The following APOB variants were observed in gnomAD, a reference collection of about 807,000 sequenced individuals.
APOB encodes apolipoprotein B, also known as apolipoprotein B-100.
APOB carries 153 observed loss-of-function variants against 314.1 expected under a neutral mutation model. That is an observed-to-expected ratio of 0.49 (90% CI 0.43 to 0.56). The LOEUF is 0.56. Among genes scored for constraint, APOB ranks in the 20% least tolerant of loss-of-function variants. The pLI, the probability that APOB is intolerant of heterozygous loss-of-function variation, is 0.00. For missense variants in APOB, 5,430 were observed against 5,350.7 expected (o/e 1.01, Z -0.46); for synonymous variants, 2,087 against 2,036.4 (o/e 1.02, Z -0.67).
At chr2:21,035,055 T>C (rs12720842) in intron 7 of APOB, among the ~76,000 whole-genome samples, 154 bp from the exon 8 acceptor site, 2,629 of 152,300 alleles carry the variant, frequency 0.017, 25 homozygotes, top group Non-Finnish European at 0.03. Context: ...ATGAATAACA[T>C]CCACCTCTTC....
Position 21,043,715 on chromosome 2 carries a change from G to T in APOB, c.82+149C>A, listed in dbSNP as rs1410026018. 1.1e-5 allele frequency: 17 copies of T among 1,502,120 alleles called. No homozygotes were observed. In the East Asian group the frequency reaches 3.2e-4, roughly 28 times the overall value. The allele number at this position is 1,502,120 out of a possible 1,614,324, so 93.0% of individuals were successfully genotyped here. On this transcript the variant is annotated intron_variant, in intron 1 of 28. Coordinates refer to ENST00000233242, the MANE Select transcript of APOB (RefSeq NM_000384.3). ...ATCCCGCGCCCCCCATCCTGAGCCTGCAGGGGCCGCCAGCTGGTCCAATCC... is the reference window on the plus strand; with the variant it reads ...ATCCCGCGCCCCCCATCCTGAGCCTTCAGGGGCCGCCAGCTGGTCCAATCC...
intron 28 of APOB, among the ~76,000 whole-genome samples, chr2:21,003,568 G>C (rs930045840): frequency 1.4e-4 from 22 of 152,230 alleles, no homozygotes; most frequent in African/African-American, 5.3e-4. Context: ...AACGCTTGCT[G>C]TTTGTCATTT....
Position 21,011,740 on chromosome 2 carries a change from G to C in APOB, c.5128C>G (p.Leu1710Val), listed in dbSNP as rs1467165469. ...DGKAALTELS[L>V]GSAYQAMILG... Reference sequence around the variant, plus strand: ...ATCATGGCCTGATAAGCACTTCCCAGTGATAGCTCTGTGAGGGCGGCTTTC... The same window carrying C: ...ATCATGGCCTGATAAGCACTTCCCACTGATAGCTCTGTGAGGGCGGCTTTC... Residue 1710 changes from leucine (L) to valine (V), a missense_variant, in exon 26 of 29, where the codon CTG becomes GTG. Leu to Val is a conservative substitution (Grantham distance 32). This residue lies in a region of APOB where 2,085 missense variants were observed against 2,079.7 expected (regional missense o/e 1.00). Transcript: ENST00000233242. 6.2e-7 allele frequency: 1 copy of C among 1,614,114 alleles called. No individual in the cohort carries two copies. The highest frequency in any genetic ancestry group is 1.1e-5 in the South Asian group (1 of 91,064).
chr2:21,023,350 G>A (rs1663659734), intron 17 of APOB, 175 bp downstream of exon 17: 1 of 731,296 alleles, frequency 1.4e-6, no homozygotes, highest in Non-Finnish European at 2.3e-6. Context: ...TGGAGCTAGT[G>A]AGGTAGTGCA....
Position 21,008,881 on chromosome 2 carries a change from T to A in APOB, c.7987A>T (p.Ile2663Phe), listed in dbSNP as rs972922476. ...LNTFHIPSFT[I>F]DFVEMKVKII... ...TTTACTTTCATTTCTACAAAGTCAA[T>A]TGTAAAGGAAGGAATGTGGAAGGTG... The change falls in exon 26 of 29, where the codon ATT becomes TTT. Residue 2663 changes from isoleucine (I) to phenylalanine (F), a missense_variant. Ile to Phe is a conservative substitution (Grantham distance 21). Transcript: ENST00000233242. The A allele has an allele frequency of 6.8e-6, 11 of 1,614,026 alleles. No homozygotes were observed. Among genetic ancestry groups the A allele is most frequent in the Non-Finnish European group, 7.6e-6 (9 of 1,179,906 alleles).
rs1401724421 is a variant in APOB, at chr2:21,034,860, T to G, written c.860A>C (p.Lys287Thr). The G allele has an allele frequency of 1.2e-6, 2 of 1,606,750 alleles. No individual in the cohort carries two copies. Among genetic ancestry groups the G allele is most frequent in the African/African-American group, 2.7e-5 (2 of 74,758 alleles). The part of the protein sequence containing the change: ...GMVAQVTQTL[K>T]LEDTPKINSR... The stretch of plus-strand genomic sequence containing the variant: ...GTTGATCTTTGGTGTGTCTTCAAGT[T>G]TCAAAGTCTGTGTCACTTGTGCTAC... The change falls in exon 8 of 29, where the codon AAA becomes ACA. Residue 287 changes from lysine (K) to threonine (T), a missense_variant. By Grantham distance (78) the Lys-to-Thr change is moderately conservative. Around this residue, in one of 3 missense-constraint regions of APOB, gnomAD observed 2,085 missense variants for 2,079.7 expected, o/e 1.00. Coordinates refer to ENST00000233242, the MANE Select transcript of APOB (RefSeq NM_000384.3).
Position 21,002,843 on chromosome 2 carries a change from G to A in APOB, c.12579C>T (p.Leu4193=). 3 of 1,613,076 alleles carry A rather than the reference G, an allele frequency of 1.9e-6. No individual in the cohort carries two copies. The highest frequency in any genetic ancestry group is 2.5e-6 in the Non-Finnish European group (3 of 1,179,578). The change falls in exon 29 of 29, where the codon CTC becomes CTT. Residue 4193 remains leucine, a synonymous_variant. Transcript: ENST00000233242. ...ATCTGGGGAAGTTCAGAAAATCAAT[G>A]AGTGAGTCAATCAGATGCTTGACTT... ...HMKVKHLIDS[L]IDFLNFPRFQ... is the part of the protein sequence containing the mutation.
At chr2:21,016,790 C>T (rs1477567216) in intron 20 of APOB, 141 bp from the exon 21 acceptor site, 7 of 688,696 alleles carry the variant, frequency 1.0e-5, no homozygotes, top group Non-Finnish European at 1.6e-5. Flanking sequence ...CAAGACCATT[C>T]TGGCTAACAT....
chr2:21,004,976 A>C lies in APOB; in HGVS notation c.11788+104T>G, dbSNP rs879149365. The C allele has an allele frequency of 4.5e-5, 66 of 1,473,094 alleles. No individual in the cohort carries two copies. The South Asian group carries it at 7.6e-4, about 17-fold the overall frequency. The allele number at this position is 1,473,094 out of a possible 1,614,324, so 91.3% of individuals were successfully genotyped here. On this transcript the variant is annotated intron_variant, in intron 26 of 28. Transcript: ENST00000233242. ...CTTTTCTTACTTAAAATTTTGTGACATTGAGTAATTGTACATCTACTCACA... is the reference window on the plus strand; with the variant it reads ...CTTTTCTTACTTAAAATTTTGTGACCTTGAGTAATTGTACATCTACTCACA...
chr2:21,002,459 T>C lies in APOB; in HGVS notation c.12963A>G (p.Lys4321=). 1.2e-6 allele frequency: 2 copies of C among 1,606,342 alleles called. No individual in the cohort carries two copies. The highest frequency in any genetic ancestry group is 1.7e-6 in the Non-Finnish European group (2 of 1,174,782). ...EDNIKQLKEM[K]FTYLINYIQD... is the part of the protein sequence containing the mutation. Reference sequence around the variant, plus strand: ...GGATATAATTAATAAGATAAGTAAATTTCATCTCTTTCAGCTGTTTAATGT... The same window carrying C: ...GGATATAATTAATAAGATAAGTAAACTTCATCTCTTTCAGCTGTTTAATGT... Residue 4321 remains lysine (K), a synonymous_variant, in exon 29 of 29, where the codon AAA becomes AAG. Coordinates refer to ENST00000233242, the MANE Select transcript of APOB (RefSeq NM_000384.3).
intron 17 of APOB, among the ~76,000 whole-genome samples, 186 bp from the exon 18 acceptor site, chr2:21,023,228 C>T (rs1232766180): frequency 6.6e-6 from 1 of 152,068 alleles, no homozygotes; most frequent in Non-Finnish European, 1.5e-5. Flanking sequence ...GAGTATACTA[C>T]CCAGAACTAG....
Position 21,004,591 on chromosome 2 carries a change from T to A in APOB, c.11873A>T (p.Tyr3958Phe). ...TFAHRDFSAE[Y>F]EEDGKYEGLQ... ...TCCTTCATATTTGCCATCTTCTTCA[T>A]ATTCTGCACTGAAGTCACGGTGTGC... Residue 3958 changes from tyrosine (Y) to phenylalanine (F), a missense_variant, in exon 27 of 29, where the codon TAT becomes TTT. Transcript: ENST00000233242. 1 of 1,613,978 alleles carries A rather than the reference T, an allele frequency of 6.2e-7. No individual in the cohort carries two copies. Among genetic ancestry groups the A allele is most frequent in the Non-Finnish European group, 8.5e-7 (1 of 1,179,836 alleles).
intron 12 of APOB, among the ~76,000 whole-genome samples, 165 bp from the exon 13 acceptor site, chr2:21,028,703 G>C (rs112749774): frequency 2.2e-4 from 33 of 152,144 alleles, no homozygotes; most frequent in African/African-American, 7.0e-4. Context: ...GTGTTTCCTA[G>C]AGCACTATCA....
chr2:21,016,400 G>T (rs776837638), intron 21 of APOB, 39 bp downstream of exon 21: 3 of 1,058,854 alleles, frequency 2.8e-6, no homozygotes, highest in South Asian at 1.3e-5. Context: ...AACCACCCAG[G>T]CCTGCAGTGC....
In APOB at chr2:21,011,126, A is replaced by T; in HGVS notation, c.5742T>A (p.Asn1914Lys). ...GTTCTCCCCAGAGAGCGAGTTTCCC[A>T]TTGCCATTTGTATGTGCATCGATGG... The part of the protein sequence containing the change: ...TMTIDAHTNG[N>K]GKLALWGEHT... Residue 1914 changes from asparagine (N) to lysine (K), a missense_variant, in exon 26 of 29, where the codon AAT becomes AAA. Transcript: ENST00000233242. 6.2e-7 allele frequency: 1 copy of T among 1,614,204 alleles called. No individual in the cohort carries two copies. Among genetic ancestry groups the T allele is most frequent in the Non-Finnish European group, 8.5e-7 (1 of 1,180,026 alleles).
At position 21,010,880 on chromosome 2, in the gene APOB, C is replaced by A; in HGVS notation, c.5988G>T (p.Leu1996Phe). The part of the protein sequence containing the change: ...QFNNNEYSQD[L>F]DAYNTKDKIG... ...TTTTATCTTTAGTGTTGTAAGCATCCAAGTCCTGGCTGTATTCATTGTTGT... is the reference window on the plus strand; with the variant it reads ...TTTTATCTTTAGTGTTGTAAGCATCAAAGTCCTGGCTGTATTCATTGTTGT... The change falls in exon 26 of 29, where the codon TTG (leucine) becomes TTT (phenylalanine). Residue 1996 changes from leucine (L) to phenylalanine (F), a missense_variant. This residue lies in a region of APOB where 3,281 missense variants were observed against 3,171.0 expected (regional missense o/e 1.03). Transcript: ENST00000233242. 6.2e-7 allele frequency: 1 copy of A among 1,614,076 alleles called. No homozygotes were observed. Among genetic ancestry groups the A allele is most frequent in the Non-Finnish European group, 8.5e-7 (1 of 1,180,012 alleles).
In APOB at chr2:21,028,483, C is replaced by T. The variant is rs766083346; in HGVS notation, c.1673G>A (p.Arg558Gln). 4.3e-6 allele frequency: 7 copies of T among 1,613,840 alleles called. No homozygotes were observed. Among genetic ancestry groups the T allele is most frequent in the Admixed American group, 3.3e-5 (2 of 60,006 alleles). ...FLDDASPGDKRLAAYLMLMRS... is the reference protein window; with the variant it reads ...FLDDASPGDKQLAAYLMLMRS... ...CATCAACATAAGATAGGCAGCCAGT[C>T]GCTTATCTCCCGGAGAAGCATCATC... The change falls in exon 13 of 29, where the codon CGA (arginine) becomes CAA (glutamine). Residue 558 changes from arginine to glutamine, a missense_variant. This residue lies in a region of APOB where 2,085 missense variants were observed against 2,079.7 expected (regional missense o/e 1.00). Transcript: ENST00000233242.
In APOB at chr2:21,028,449, A is replaced by G. The variant is rs1663795191; in HGVS notation, c.1707T>C (p.Pro569=). Residue 569 remains proline (P), a synonymous_variant, in exon 13 of 29, where the codon CCT becomes CCC. Transcript: ENST00000233242. ...CAATTTTGTTAATATCTGCCTGTGA[A>G]GGACTCCTCATCAACATAAGATAGG... The part of the protein sequence containing the change: ...LAAYLMLMRS[P]SQADINKIVQ... 1.2e-6 allele frequency: 2 copies of G among 1,614,070 alleles called. No homozygotes were observed. Among genetic ancestry groups the G allele is most frequent in the South Asian group, 1.1e-5 (1 of 91,084 alleles).
chr2:21,036,964 G>T, intron 6 of APOB, 136 bp downstream of exon 6: 1 of 1,112,642 alleles, frequency 9.0e-7, no homozygotes, highest in Non-Finnish European at 1.3e-6. Context: ...GCCTGCTCAG[G>T]GTCCTATCTC....
Sources: gnomAD v4.1 joint callset for allele counts (sites outside exome capture counted in the v4.1 genomes callset) on GRCh38, gnomAD v4.1.1 for gene constraint, gnomAD v4.1.1 regional missense constraint, MANE v1.5 for transcripts, NCBI Gene and HGNC (gene_info 2026-07-23, HGNC 2026-07-21) for gene names.